C16orf74: variants seen among roughly 807,000 people sequenced by gnomAD.
C16orf74 encodes calcimembrin.
In C16orf74, 10 loss-of-function variants were observed where a neutral mutation model predicts 6.5. That is an observed-to-expected ratio of 1.54 (90% CI 0.95 to 2.61). The LOEUF is 2.61. C16orf74 is among the 30% of genes most tolerant of loss of function. The pLI is 0.00. For synonymous variants in C16orf74, 60 were observed against 42.5 expected, an observed-to-expected ratio of 1.41 and a Z score of -1.60; for missense variants, 141 against 105.9, an observed-to-expected ratio of 1.33 and a Z score of -1.45.
chr16:85,740,945 A>C (rs2054300190), intron 1 of C16orf74, among the ~76,000 whole-genome samples: 2 of 152,140 alleles, frequency 1.3e-5, no homozygotes, highest in African/African-American at 4.8e-5. Flanking sequence ...ACGCATGAAT[A>C]CGTGCAGGGA....
intron 3 of C16orf74, among the ~76,000 whole-genome samples, chr16:85,709,690 G>A (rs530397084): frequency 3.3e-4 from 51 of 152,264 alleles, no homozygotes; most frequent in Admixed American, 1.1e-3. Flanking sequence ...CCTCTCCCTG[G>A]GAAGAACTCT....
Position 85,744,602 on chromosome 16 carries a change from G to A in C16orf74, c.-19+6324C>T, listed in dbSNP as rs536061430. ...TCCCAGCACTTTGGGAGGCCAAGGCGGGCGGATCACGAGGTCAGGAGATCG... is the reference window on the plus strand; with the variant it reads ...TCCCAGCACTTTGGGAGGCCAAGGCAGGCGGATCACGAGGTCAGGAGATCG... On this transcript the variant is annotated intron_variant, in intron 1 of 3. Coordinates refer to ENST00000284245, the MANE Select transcript of C16orf74 (RefSeq NM_206967.3). Among the ~76,000 whole-genome samples the A allele has an allele frequency of 5.9e-5, 9 of 152,170 alleles. No individual in the cohort carries two copies. In the East Asian group the frequency reaches 7.7e-4, roughly 13 times the overall value.
At position 85,707,797 on chromosome 16, in the gene C16orf74, G is replaced by C; in HGVS notation, c.*211C>G. On this transcript the variant is annotated 3_prime_UTR_variant, in exon 4 of 4. Transcript: ENST00000284245. ...AAGAACCTGGAGGTGTCAGAGGTCC[G>C]GTCCACTCAGCGGGGCCTGGGAAAC... The C allele has an allele frequency of 1.7e-6, 1 of 575,054 alleles. No individual in the cohort carries two copies. The highest frequency in any genetic ancestry group is 3.1e-6 in the Non-Finnish European group (1 of 322,360). The allele number at this position is 575,054 out of a possible 1,614,324, so 35.6% of individuals were successfully genotyped here. A position where few individuals can be genotyped will look rare whatever the true frequency, so the allele number is the denominator to read the frequency against.
chr16:85,737,349 A>G (rs1218612193), intron 1 of C16orf74, among the ~76,000 whole-genome samples: 1 of 152,204 alleles, frequency 6.6e-6, no homozygotes, highest in Admixed American at 6.5e-5. Context: ...CATCCACACT[A>G]CAGCCAAGAA....
At chr16:85,736,645 G>A (rs988032877) in intron 1 of C16orf74, among the ~76,000 whole-genome samples, 6 of 152,244 alleles carry the variant, frequency 3.9e-5, no homozygotes, top group East Asian at 1.9e-4. Context: ...TCCAACTTAC[G>A]AGTGGTCTCT....
rs771199535 is a variant in C16orf74, at chr16:85,708,017, T to C, written c.222A>G (p.Pro74=). 1.7e-5 allele frequency: 27 copies of C among 1,552,720 alleles called. No homozygotes were observed. The East Asian group carries it at 3.7e-4, about 21-fold the overall frequency. The change falls in exon 4 of 4, where the codon CCA becomes CCG. Residue 74 remains proline (P), a synonymous_variant. Transcript: ENST00000284245. ...AACCCAGGACACCTCCTCAGGCTTCTGGGTCGATTTCTCCATCATCTGGGC... is the reference window on the plus strand; with the variant it reads ...AACCCAGGACACCTCCTCAGGCTTCCGGGTCGATTTCTCCATCATCTGGGC... ...GSCPDDGEID[P]EA
At chr16:85,747,098 A>T (rs2054382743) in intron 1 of C16orf74, among the ~76,000 whole-genome samples, 1 of 152,146 alleles carries the variant, frequency 6.6e-6, no homozygotes, top group Admixed American at 6.6e-5. Flanking sequence ...TTGGCCTCCC[A>T]CGGATGAGCC....
chr16:85,725,462 C>T (rs529936722), intron 2 of C16orf74, among the ~76,000 whole-genome samples: 1 of 152,352 alleles, frequency 6.6e-6, no homozygotes, highest in East Asian at 1.9e-4. Flanking sequence ...TGGGACCCAT[C>T]CACACCAATC....
At chr16:85,738,252 A>C (rs1192406113) in intron 1 of C16orf74, among the ~76,000 whole-genome samples, 4 of 151,856 alleles carry the variant, frequency 2.6e-5, no homozygotes, top group African/African-American at 9.7e-5. Context: ...CTTAAAAACA[A>C]AATGCTGCTT....
chr16:85,708,675 A>C (rs1333374119), intron 3 of C16orf74, among the ~76,000 whole-genome samples: 1 of 152,214 alleles, frequency 6.6e-6, no homozygotes, highest in Middle Eastern at 3.2e-3. Context: ...AAGGTCACAG[A>C]GGAATGCGCC....
chr16:85,711,309 C>A, intron 2 of C16orf74, among the ~76,000 whole-genome samples: 1 of 114,262 alleles, frequency 8.8e-6, no homozygotes. Flanking sequence ...GAGTAAGACT[C>A]CATCTTAAAA....
chr16:85,728,484 T>C (rs1477203509), intron 2 of C16orf74, among the ~76,000 whole-genome samples: 5 of 152,236 alleles, frequency 3.3e-5, no homozygotes, highest in Non-Finnish European at 5.9e-5. Context: ...CCTGTATCCA[T>C]GGTGACACTG....
rs188078791 is a variant in C16orf74, at chr16:85,723,214, C to A, written c.28+11976G>T. Among the ~76,000 whole-genome samples, 11 of 145,426 alleles carry A rather than the reference C, an allele frequency of 7.6e-5. No homozygotes were observed. In the East Asian group the frequency reaches 2.2e-3, roughly 30 times the overall value. The stretch of plus-strand genomic sequence containing the variant: ...GGTGGAGGCTGCAGTGAGCTGAGAT[C>A]GCACCACTGTACTCCAGCCTGGGCA... On this transcript the variant is annotated intron_variant, in intron 2 of 3. Transcript: ENST00000284245.
At chr16:85,728,295 C>G (rs1174533540) in intron 2 of C16orf74, among the ~76,000 whole-genome samples, 1 of 152,128 alleles carries the variant, frequency 6.6e-6, no homozygotes, top group East Asian at 1.9e-4. Flanking sequence ...TGGGAACTCT[C>G]TGTACTATCT....
chr16:85,735,403 G>T (rs936705643), intron 1 of C16orf74, among the ~76,000 whole-genome samples, 168 bp from the exon 2 acceptor site: 1 of 152,218 alleles, frequency 6.6e-6, no homozygotes, highest in African/African-American at 2.4e-5. Context: ...ATCTGGGCTG[G>T]ATTTGCTCAA....
chr16:85,749,312 G>A (rs1269944194), intron 1 of C16orf74, among the ~76,000 whole-genome samples: 2 of 151,982 alleles, frequency 1.3e-5, no homozygotes, highest in African/African-American at 4.8e-5. Flanking sequence ...AAGAGACAGG[G>A]TCTCCCTCTG....
At chr16:85,743,383 C>A (rs959384986) in intron 1 of C16orf74, 1 of 152,192 alleles carries the variant, frequency 6.6e-6, no homozygotes, top group Non-Finnish European at 1.5e-5. Context: ...AACGATGCCA[C>A]TGAACCCTAA....
At chr16:85,742,164 G>T (rs1281927405) in intron 1 of C16orf74, among the ~76,000 whole-genome samples, 1 of 152,170 alleles carries the variant, frequency 6.6e-6, no homozygotes, top group African/African-American at 2.4e-5. Flanking sequence ...CTTGAGGTCA[G>T]GAGTTTGAGA....
At chr16:85,750,100 C>A (rs545243635) in intron 1 of C16orf74, among the ~76,000 whole-genome samples, 1 of 152,342 alleles carries the variant, frequency 6.6e-6, no homozygotes, top group South Asian at 2.1e-4. Context: ...CCTCTCAGAG[C>A]CTCAGTTTCC....
Sources: gnomAD v4.1 joint callset for allele counts (sites outside exome capture counted in the v4.1 genomes callset) on GRCh38, gnomAD v4.1.1 for gene constraint, MANE v1.5 for transcripts, NCBI Gene and HGNC (gene_info 2026-07-23, HGNC 2026-07-21) for gene names.